Variants in DNAJC5G observed in about 807,000 individuals in gnomAD.
The protein encoded by DNAJC5G is DnaJ heat shock protein family (Hsp40) member C5 gamma.
In DNAJC5G, 13 loss-of-function variants were observed where a neutral mutation model predicts 19.1. That is an observed-to-expected ratio of 0.68 (90% CI 0.44 to 1.08). The LOEUF (loss-of-function observed/expected upper bound fraction) is 1.08, where lower values mean the gene tolerates loss of function less well. Among genes scored for constraint, DNAJC5G ranks in the 50% least tolerant of loss-of-function variants. DNAJC5G has a pLI of 0.00. For missense variants in DNAJC5G, 245 were observed against 230.4 expected (o/e 1.06, Z -0.41); for synonymous variants, 81 against 84.4 (o/e 0.96, Z 0.22).
rs139637725 is a variant in DNAJC5G at position 27,278,301 on chromosome 2, G to A, written c.489G>A (p.Gln163=). Residue 163 remains glutamine (Q), a synonymous_variant, in exon 5 of 7, where the codon CAG becomes CAA. Transcript: ENST00000296097. Reference sequence around the variant, plus strand: ...AGCAGGATAGTGGGAGAAAATATCAGCAGAATGTCCAGAGTCAGCCTCCAA... The same window carrying A: ...AGCAGGATAGTGGGAGAAAATATCAACAGAATGTCCAGAGTCAGCCTCCAA... ...PPEQDSGRKY[Q]QNVQSQPPRS... The A allele has an allele frequency of 1.6e-4, 251 of 1,614,142 alleles. 1 individual carries two copies. The African/African-American group carries it at 3.2e-3, about 20-fold the overall frequency.
Position 27,280,871 on chromosome 2 carries a change from AC to A in DNAJC5G, c.*464del. On this transcript the variant is annotated 3_prime_UTR_variant, in exon 7 of 7. Transcript: ENST00000296097. ...TGGATCCTGTCCCTGGAGCTGCTGC[AC>A]CCATTAATTCTCCCTTGTTGCAACT... 1 of 152,252 alleles carries A rather than the reference AC, an allele frequency of 6.6e-6. No homozygotes were observed. Among genetic ancestry groups the A allele is most frequent in the South Asian group, 2.1e-4 (1 of 4,798 alleles). The allele number at this position is 152,252 out of a possible 1,614,324, so 9.4% of individuals were successfully genotyped here. A position where few individuals can be genotyped will look rare whatever the true frequency, so the allele number is the denominator to read the frequency against.
chr2:27,280,086 G>A, intron 5 of DNAJC5G, 80 bp from the exon 6 acceptor site: 1 of 1,382,082 alleles, frequency 7.2e-7, no homozygotes, highest in Non-Finnish European at 1.0e-6. Context: ...GTAACTGCAA[G>A]GTAACGGTTT....
intron 3 of DNAJC5G, 125 bp from the exon 4 acceptor site, chr2:27,277,629 T>G: frequency 7.9e-7 from 1 of 1,270,622 alleles, no homozygotes; most frequent in Non-Finnish European, 1.1e-6. Flanking sequence ...ACCCTCTTCA[T>G]TATAGTATGG....
chr2:27,277,636 A>G (rs2148175038), intron 3 of DNAJC5G, 118 bp from the exon 4 acceptor site: 2 of 1,317,578 alleles, frequency 1.5e-6, no homozygotes, highest in Admixed American at 2.0e-5. Context: ...TCATTATAGT[A>G]TGGGAAGGAG....
Position 27,275,441 on chromosome 2 carries a change from C to T in DNAJC5G, c.-398C>T. 5 of 356,134 alleles carry T rather than the reference C, an allele frequency of 1.4e-5. No individual in the cohort carries two copies. Among genetic ancestry groups the T allele is most frequent in the South Asian group, 1.0e-4 (5 of 48,042 alleles). The allele number at this position is 356,134 out of a possible 1,614,324, so 22.1% of individuals were successfully genotyped here. A position where few individuals can be genotyped will look rare whatever the true frequency, so the allele number is the denominator to read the frequency against. On this transcript the variant is annotated 5_prime_UTR_variant, in exon 1 of 7. Coordinates refer to ENST00000296097, the MANE Select transcript of DNAJC5G (RefSeq NM_173650.3). ...GCGCCAAAAAACGACCTGCCCAGAC[C>T]CTCAGCGTCGACGCTGCGCACAAGC...
rs1402637034 is a variant in DNAJC5G, at chr2:27,278,274, TGA to T, written c.464_465del (p.Glu155AlafsTer3). Reference sequence around the variant, plus strand: ...GCTGTGGAGCACTTAAACCACCACCTGAGCAGGATAGTGGGAGAAAATATCAG... The same window carrying T: ...GCTGTGGAGCACTTAAACCACCACCTGCAGGATAGTGGGAGAAAATATCAG... The part of the protein sequence containing the change: ...FCCGALKPPP[E>X]QDSGRKYQQN... On this transcript the variant is annotated frameshift_variant, in exon 5 of 7. Transcript: ENST00000296097. LOFTEE classifies it high-confidence loss of function. 3 of 1,614,110 alleles carry T rather than the reference TGA, an allele frequency of 1.9e-6. No homozygotes were observed. The Admixed American group carries it at 5.0e-5, about 27-fold the overall frequency.
In DNAJC5G at chr2:27,275,525, CCCA is replaced by C. The variant is rs1438078272; in HGVS notation, c.-311_-309del. On this transcript the variant is annotated 5_prime_UTR_variant, in exon 1 of 7. Coordinates refer to ENST00000296097, the MANE Select transcript of DNAJC5G (RefSeq NM_173650.3). ...TTCACACCCAAAAGGATGAAGGGCACCCACCTGGCTTAAGAGAACGACTCCCAG... is the reference window on the plus strand; with the variant it reads ...TTCACACCCAAAAGGATGAAGGGCACCCTGGCTTAAGAGAACGACTCCCAG... The C allele has an allele frequency of 1.8e-5, 6 of 328,090 alleles. No individual in the cohort carries two copies. The highest frequency in any genetic ancestry group is 3.6e-5 in the Non-Finnish European group (6 of 167,052). The allele number at this position is 328,090 out of a possible 1,614,324, so 20.3% of individuals were successfully genotyped here. A position where few individuals can be genotyped will look rare whatever the true frequency, so the allele number is the denominator to read the frequency against.
intron 5 of DNAJC5G, among the ~76,000 whole-genome samples, chr2:27,278,736 GT>G (rs1426241116): frequency 6.7e-6 from 1 of 149,010 alleles, no homozygotes; most frequent in East Asian, 2.0e-4. Flanking sequence ...GCTGGGCATG[GT>G]GGCTCAAACC....
At chr2:27,278,057 G>T in intron 4 of DNAJC5G, 42 bp downstream of exon 4, 1 of 1,609,126 alleles carries the variant, frequency 6.2e-7, no homozygotes, top group Non-Finnish European at 8.5e-7. Context: ...GGAAAGAAGG[G>T]TGACCTTCCT....
intron 5 of DNAJC5G, among the ~76,000 whole-genome samples, chr2:27,279,943 A>G (rs1678293008): frequency 6.6e-6 from 1 of 151,236 alleles, no homozygotes; most frequent in Non-Finnish European, 1.5e-5. Flanking sequence ...AAGAAGAAGA[A>G]GGAAAGGAGG....
Position 27,277,947 on chromosome 2 carries a change from TATCTGTATG to T in DNAJC5G, c.311_319del (p.Leu104_Asp106del), listed in dbSNP as rs1252999625. On this transcript the variant is annotated inframe_deletion, in exon 4 of 7. Coordinates refer to ENST00000296097, the MANE Select transcript of DNAJC5G (RefSeq NM_173650.3). ...CGACCAGCATGGCTCATTGGGAATA[TATCTGTATG>T]ATCACTTTGGTGAAGAAGGCGTCAG... The T allele has an allele frequency of 1.2e-6, 2 of 1,614,098 alleles. No individual in the cohort carries two copies. The highest frequency in any genetic ancestry group is 8.5e-7 in the Non-Finnish European group (1 of 1,180,060).
At chr2:27,278,516 A>C (rs1678218232) in intron 5 of DNAJC5G, among the ~76,000 whole-genome samples, 184 bp downstream of exon 5, 1 of 151,430 alleles carries the variant, frequency 6.6e-6, no homozygotes, top group Non-Finnish European at 1.5e-5. Flanking sequence ...CCCTGTCTCT[A>C]CTAAAAATAC....
In DNAJC5G at chr2:27,279,391, G is replaced by C. The variant is rs547103891; in HGVS notation, c.521-775G>C. ...GCGATCTCAGCTCATTGCAACCTCT[G>C]CCTCCCGGGTTCAAGCGATTCTACT... On this transcript the variant is annotated intron_variant, in intron 5 of 6. Coordinates refer to ENST00000296097, the MANE Select transcript of DNAJC5G (RefSeq NM_173650.3). Among the ~76,000 whole-genome samples the C allele has an allele frequency of 2.6e-5, 4 of 152,150 alleles. No homozygotes were observed. The South Asian group carries it at 8.3e-4, about 32-fold the overall frequency.
intron 1 of DNAJC5G, chr2:27,275,876 C>CCGCCCCCGCCCG (rs1678027362): frequency 7.3e-6 from 1 of 136,098 alleles, no homozygotes. Context: ...ACCCCCGCCC[C>CCGCCCCCGCCCG]CGCCCCCGCC....
intron 2 of DNAJC5G, 46 bp from the exon 3 acceptor site, chr2:27,276,680 C>G (rs1176079398): frequency 1.9e-6 from 3 of 1,583,970 alleles, no homozygotes; most frequent in Non-Finnish European, 2.6e-6. Flanking sequence ...TCTCGGTACC[C>G]TTACTTGTAG....
In DNAJC5G at chr2:27,277,763, A is replaced by G. The variant is rs762955360; in HGVS notation, c.123A>G (p.Ala41=). 8.7e-6 allele frequency: 14 copies of G among 1,613,790 alleles called. No homozygotes were observed. Among genetic ancestry groups the G allele is most frequent in the Non-Finnish European group, 1.1e-5 (13 of 1,179,886 alleles). Residue 41 remains alanine, a synonymous_variant, in exon 4 of 7, where the codon GCA becomes GCG. Transcript: ENST00000296097. ...AAGTCTCCTTCCCCAGCCATTCCGC[A>G]TTGCTTCCCCACCCTCCTTTTGAGT... The part of the protein sequence containing the change: ...EDFKKSYSHS[A]LLPHPPFEYH...
intron 5 of DNAJC5G, 108 bp from the exon 6 acceptor site, chr2:27,280,058 A>C: frequency 1.0e-6 from 1 of 994,474 alleles, no homozygotes. Context: ...CACCAGCGCC[A>C]CCTGGTGATG....
intron 4 of DNAJC5G, 46 bp downstream of exon 4, chr2:27,278,061 C>T: frequency 1.2e-6 from 2 of 1,607,822 alleles, no homozygotes; most frequent in Non-Finnish European, 1.7e-6. Flanking sequence ...AGAAGGGTGA[C>T]CTTCCTTTCC....
rs191570117 is a variant in DNAJC5G, at chr2:27,281,484, A to C, written c.*1074A>C. ...GACAAATTGTGTCTGGGGTAGAGAA[A>C]AAAGGCCTAAAGAAATTGCTTCTTG... On this transcript the variant is annotated 3_prime_UTR_variant, in exon 7 of 7. Transcript: ENST00000296097. 6.6e-6 allele frequency: 1 copy of C among 152,380 alleles called. No individual in the cohort carries two copies. The highest frequency in any genetic ancestry group is 2.4e-5 in the African/African-American group (1 of 41,460). The allele number at this position is 152,380 out of a possible 1,614,324, so 9.4% of individuals were successfully genotyped here.
Sources: gnomAD v4.1 joint callset for allele counts (sites outside exome capture counted in the v4.1 genomes callset) on GRCh38, gnomAD v4.1.1 for gene constraint, MANE v1.5 for transcripts, NCBI Gene and HGNC (gene_info 2026-07-23, HGNC 2026-07-21) for gene names.